The following PPP2R3B variants were observed in gnomAD, a reference collection of about 807,000 sequenced individuals.
PPP2R3B encodes protein phosphatase 2 regulatory subunit B''beta.
PPP2R3B carries 68 observed loss-of-function variants against 72.9 expected under a neutral mutation model. The observed-to-expected ratio is 0.93, with a 90% CI of 0.77 to 1.14. PPP2R3B has a LOEUF of 1.14. Ranked by LOEUF, PPP2R3B falls within the 50% of genes most tolerant of loss-of-function variation. The pLI is 0.00. For synonymous variants in PPP2R3B, 466 were observed against 375.8 expected (o/e 1.24, Z -2.78); for missense variants, 1,018 against 842.0 (o/e 1.21, Z -2.59).
chrX:356,220 T>C (rs1204944355), intron 2 of PPP2R3B, among the ~76,000 whole-genome samples: 2 of 152,164 alleles, frequency 1.3e-5, no homozygotes, highest in African/African-American at 4.8e-5. Context: ...TTTTGTTTTT[T>C]GTTTTTTTGC....
rs180887892 is a variant in PPP2R3B at position 361,454 on chromosome X, C to G, written c.461G>C (p.Arg154Pro). The change falls in exon 2 of 13, where the codon CGG becomes CCG. Residue 154 changes from arginine (R) to proline (P), a missense_variant. By Grantham distance (103) the Arg-to-Pro change is moderately radical (BLOSUM62 -2). Transcript: ENST00000390665. ...VISKIESTFA[R>P]FPHERATMDD... is the part of the protein sequence containing the mutation. ...CATGGTGGCCCTCTCGTGGGGGAAC[C>G]GGGCGAAGGTGCTCTCGATCTTGCT... 1 of 1,613,968 alleles carries G rather than the reference C, an allele frequency of 6.2e-7. No individual in the cohort carries two copies. The highest frequency in any genetic ancestry group is 8.5e-7 in the Non-Finnish European group (1 of 1,179,864).
intron 1 of PPP2R3B, among the ~76,000 whole-genome samples, chrX:376,410 A>G (rs1294994429): frequency 6.6e-6 from 1 of 152,114 alleles, no homozygotes; most frequent in Non-Finnish European, 1.5e-5. Context: ...TGGGGGAGGG[A>G]CAGGGCTGTC....
chrX:360,761 A>G (rs761055320), intron 2 of PPP2R3B, among the ~76,000 whole-genome samples: 1 of 152,210 alleles, frequency 6.6e-6, no homozygotes, highest in South Asian at 2.1e-4. Context: ...TGGAAACACA[A>G]CCACCCACCA....
rs2071141098 is a variant in PPP2R3B, at chrX:344,137, G to GGAGACGTCGCCAGCGGGAGGCGGGAGT, written c.1036+1378_1036+1379insACTCCCGCCTCCCGCTGGCGACGTCTC. Among the ~76,000 whole-genome samples, 18 of 20,090 alleles carry GGAGACGTCGCCAGCGGGAGGCGGGAGT rather than the reference G, an allele frequency of 9.0e-4. 5 individuals are homozygous for GGAGACGTCGCCAGCGGGAGGCGGGAGT. The highest frequency in any genetic ancestry group is 1.7e-3 in the South Asian group (1 of 582). 13.2% of individuals were successfully genotyped at this position (20,090 alleles called of 152,430 possible). A position where few individuals can be genotyped will look rare whatever the true frequency, so the allele number is the denominator to read the frequency against. ...AGACCTCACCAACGGGAGGCGGGAG[G>GGAGACGTCGCCAGCGGGAGGCGGGAGT]GAGACCTCAGCAACGGGAGGCGGGA... On this transcript the variant is annotated intron_variant, in intron 7 of 12. Coordinates refer to ENST00000390665, the MANE Select transcript of PPP2R3B (RefSeq NM_013239.5).
Position 386,559 on chromosome X carries a change from C to T in PPP2R3B, c.133G>A (p.Asp45Asn). The stretch of plus-strand genomic sequence containing the variant: ...TCCCCGTCCCCCGGGGTCGGCTGGT[C>T]CCGCCCGGGCGCCTTGATCCGGCGC... ...CLRRIKAPGR[D>N]QPTPGDGEQP... is the part of the protein sequence containing the mutation. Residue 45 changes from aspartate to asparagine, a missense_variant, in exon 1 of 13, where the codon GAC (aspartate) becomes AAC (asparagine). Coordinates refer to ENST00000390665, the MANE Select transcript of PPP2R3B (RefSeq NM_013239.5). The T allele has an allele frequency of 7.0e-7, 1 of 1,437,290 alleles. No individual in the cohort carries two copies. Among genetic ancestry groups the T allele is most frequent in the Non-Finnish European group, 9.1e-7 (1 of 1,093,750 alleles). 89.0% of individuals were successfully genotyped at this position (1,437,290 alleles called of 1,614,324 possible). A position where few individuals can be genotyped will look rare whatever the true frequency, so the allele number is the denominator to read the frequency against.
chrX:364,679 C>T (rs1377431842), intron 1 of PPP2R3B, among the ~76,000 whole-genome samples: 1 of 97,286 alleles, frequency 1.0e-5, no homozygotes, highest in Non-Finnish European at 2.0e-5. Context: ...GATCGCACCA[C>T]TGCACTCCAG....
chrX:369,345 C>T (rs1165582100), intron 1 of PPP2R3B, among the ~76,000 whole-genome samples: 1 of 152,130 alleles, frequency 6.6e-6, no homozygotes, highest in African/African-American at 2.4e-5. Flanking sequence ...CGTAAAGAGC[C>T]CGTCACCCAA....
At position 351,253 on chromosome X, in the gene PPP2R3B, C is replaced by T. The variant is rs187059423; in HGVS notation, c.511-3560G>A. ...CCCGGTGCGGTGGGAGGGAACGAGC[C>T]GGGTGCAGCACCGGGTCCTTGGGCT... On this transcript the variant is annotated intron_variant, in intron 2 of 12. Coordinates refer to ENST00000390665, the MANE Select transcript of PPP2R3B (RefSeq NM_013239.5). 7.7e-4 allele frequency among the ~76,000 whole-genome samples: 117 copies of T among 152,224 alleles called. 2 individuals are homozygous for T. Among genetic ancestry groups the T allele is most frequent in the African/African-American group, 2.2e-3 (93 of 41,556 alleles).
intron 8 of PPP2R3B, 101 bp downstream of exon 8, chrX:341,782 G>T: frequency 1.6e-6 from 2 of 1,286,432 alleles, no homozygotes; most frequent in Non-Finnish European, 2.3e-6. Context: ...ACAACCACTC[G>T]CTGTCGGGGC....
intron 10 of PPP2R3B, among the ~76,000 whole-genome samples, chrX:339,272 C>CT (rs1556105516): frequency 7.4e-6 from 1 of 134,320 alleles, no homozygotes; most frequent in Non-Finnish European, 1.6e-5. Context: ...GCCCCATGGC[C>CT]GGGGGGGGCA....
intron 1 of PPP2R3B, among the ~76,000 whole-genome samples, chrX:364,506 T>TAAAAAAAAAAAAAAA (rs748519595): frequency 2.2e-5 from 1 of 44,490 alleles, no homozygotes; most frequent in Non-Finnish European, 4.5e-5. Flanking sequence ...TCATCTCTAC[T>TAAAAAAAAAAAAAAA]AAAAAAAAAA....
rs1424225903 is a variant in PPP2R3B at position 368,259 on chromosome X, A to C, written c.325-6669T>G. ...GGCCGGGACCACCCACCCCGGGCAC[A>C]GACACGGGGAAGGCCGGGACCACCC... On this transcript the variant is annotated intron_variant, in intron 1 of 12. Transcript: ENST00000390665. Among the ~76,000 whole-genome samples the C allele has an allele frequency of 1.2e-3, 118 of 98,370 alleles. 1 individual carries two copies. Among genetic ancestry groups the C allele is most frequent in the African/African-American group, 3.0e-3 (73 of 24,352 alleles). 64.5% of individuals were successfully genotyped at this position (98,370 alleles called of 152,430 possible).
intron 12 of PPP2R3B, chrX:335,422 C>T (rs2070861864): frequency 6.6e-6 from 1 of 152,330 alleles, no homozygotes; most frequent in Admixed American, 6.5e-5. Context: ...AAACAATGAC[C>T]ACGAGGAGGA....
chrX:365,031 G>C (rs2071674774), intron 1 of PPP2R3B, among the ~76,000 whole-genome samples: 1 of 28,078 alleles, frequency 3.6e-5, no homozygotes, highest in Non-Finnish European at 6.9e-5. Context: ...CTGGGCGACA[G>C]AGTGAGACTC....
At chrX:361,294 TGCC>T in intron 2 of PPP2R3B, 108 bp downstream of exon 2, 1 of 1,232,666 alleles carries the variant, frequency 8.1e-7, no homozygotes, top group Non-Finnish European at 1.1e-6. Flanking sequence ...TCCTCGGCCG[TGCC>T]GCCTCACTCA....
At chrX:345,272 C>T (rs2071173421) in intron 7 of PPP2R3B, 1 of 698,090 alleles carries the variant, frequency 1.4e-6, no homozygotes, top group Non-Finnish European at 2.6e-6. Flanking sequence ...CAGCGGCCCA[C>T]ACTGACCCTG....
chrX:383,246 C>T (rs1186845563), intron 1 of PPP2R3B, among the ~76,000 whole-genome samples: 1 of 152,136 alleles, frequency 6.6e-6, no homozygotes, highest in Non-Finnish European at 1.5e-5. Context: ...CCTCAGATTG[C>T]CACCCACCTC....
In PPP2R3B at chrX:334,464, G is replaced by A. The variant is rs139187986; in HGVS notation, c.1631C>T (p.Pro544Leu). 233 of 1,594,386 alleles carry A rather than the reference G, an allele frequency of 1.5e-4. No individual in the cohort carries two copies. The highest frequency in any genetic ancestry group is 4.1e-4 in the South Asian group (37 of 89,704). The change falls in exon 13 of 13, where the codon CCG (proline) becomes CTG (leucine). Residue 544 changes from proline (P) to leucine (L), a missense_variant. Physicochemically the swap from Pro to Leu is moderately conservative, Grantham distance 98. Coordinates refer to ENST00000390665, the MANE Select transcript of PPP2R3B (RefSeq NM_013239.5). ...VEQKLSALRS[P>L]LAQRPFFEAP... ...CTCGAAGAAGGGCCTCTGGGCCAGC[G>A]GGGAGCGCAGCGCACTCAGCTTCTG...
At chrX:372,812 G>C (rs2071894809) in intron 1 of PPP2R3B, among the ~76,000 whole-genome samples, 3 of 152,156 alleles carry the variant, frequency 2.0e-5, no homozygotes, top group Admixed American at 2.0e-4. Flanking sequence ...GCAAAAATTA[G>C]CCCTACTCGG....
Sources: allele counts gnomAD v4.1 joint callset (sites outside exome capture counted in the v4.1 genomes callset), GRCh38; gene constraint gnomAD v4.1.1; transcripts MANE v1.5; gene names NCBI Gene and HGNC (gene_info 2026-07-23, HGNC 2026-07-21).